The following FSTL5 variants were observed in gnomAD, a reference collection of about 807,000 sequenced individuals.
FSTL5 encodes follistatin-related protein 5.
FSTL5 carries 62 observed loss-of-function variants against 89.1 expected under a neutral mutation model. The observed-to-expected ratio is 0.70, with a 90% CI of 0.57 to 0.86. FSTL5 has a LOEUF of 0.86. FSTL5 is among the 40% of genes least tolerant of loss of function. The probability of loss-of-function intolerance (pLI) is 0.00; values close to 1 mark genes in which losing one functional copy is unlikely to be tolerated. For synonymous variants in FSTL5, 383 were observed against 346.2 expected (o/e 1.11, Z -1.18); for missense variants, 1,057 against 1,001.6 (o/e 1.06, Z -0.75).
At chr4:161,609,517 T>A (rs1734568917) in intron 7 of FSTL5, among the ~76,000 whole-genome samples, 2 of 152,162 alleles carry the variant, frequency 1.3e-5, no homozygotes, top group Non-Finnish European at 2.9e-5. Flanking sequence ...AGCAAAAATT[T>A]TATTTAGAGA....
intron 4 of FSTL5, among the ~76,000 whole-genome samples, chr4:161,881,685 T>C (rs1237677299): frequency 6.6e-6 from 1 of 152,100 alleles, no homozygotes; most frequent in Non-Finnish European, 1.5e-5. Context: ...GCACTTTTGT[T>C]TTGTTTTGCT....
At chr4:162,140,651 A>G (rs1370310315) in intron 1 of FSTL5, among the ~76,000 whole-genome samples, 1 of 152,174 alleles carries the variant, frequency 6.6e-6, no homozygotes, top group Non-Finnish European at 1.5e-5. Context: ...AGACTGATGT[A>G]TTGATAATAC....
At chr4:161,426,812 C>A (rs1055708045) in intron 15 of FSTL5, among the ~76,000 whole-genome samples, 9 of 152,078 alleles carry the variant, frequency 5.9e-5, no homozygotes, top group Non-Finnish European at 1.2e-4. Context: ...ATTTGTTTAC[C>A]TAATGGTCTC....
intron 8 of FSTL5, 113 bp downstream of exon 8, chr4:161,587,342 C>T: frequency 1.1e-6 from 1 of 928,172 alleles, no homozygotes; most frequent in Non-Finnish European, 1.6e-6. Context: ...AGTTGAGTCT[C>T]AAAACTTGAA....
chr4:161,472,899 ATT>A (rs1268945445), intron 13 of FSTL5, among the ~76,000 whole-genome samples: 1 of 151,662 alleles, frequency 6.6e-6, no homozygotes, highest in East Asian at 1.9e-4. Flanking sequence ...TAATTTTTGT[ATT>A]TTTAGTAGAG....
At chr4:162,110,684 ATAAG>A (rs1731401100) in intron 2 of FSTL5, among the ~76,000 whole-genome samples, 1 of 151,616 alleles carries the variant, frequency 6.6e-6, no homozygotes, top group South Asian at 2.1e-4. Flanking sequence ...TTAATTTATT[ATAAG>A]TATTTAATGT....
chr4:161,802,323 A>AAT (rs2126830535), intron 4 of FSTL5, among the ~76,000 whole-genome samples: 1 of 151,822 alleles, frequency 6.6e-6, no homozygotes, highest in South Asian at 2.1e-4. Context: ...ATATAAAGGT[A>AAT]ATATATATGG....
chr4:162,013,534 C>A (rs1481476092), intron 3 of FSTL5, among the ~76,000 whole-genome samples: 3 of 152,152 alleles, frequency 2.0e-5, no homozygotes, highest in Non-Finnish European at 4.4e-5. Flanking sequence ...AGCAGGAGTT[C>A]TCTGAGAGTA....
intron 1 of FSTL5, among the ~76,000 whole-genome samples, chr4:162,123,833 A>T (rs1177243523): frequency 3.3e-5 from 5 of 151,080 alleles, no homozygotes; most frequent in African/African-American, 9.7e-5. Context: ...CAGGTAAAAG[A>T]TTTTTTTTTA....
intron 6 of FSTL5, among the ~76,000 whole-genome samples, chr4:161,715,461 C>G (rs569719550): frequency 6.6e-6 from 1 of 152,246 alleles, no homozygotes; most frequent in African/African-American, 2.4e-5. Flanking sequence ...AGCCTATATC[C>G]TTTGCTGGGT....
At chr4:161,911,915 A>G (rs1733704679) in intron 4 of FSTL5, among the ~76,000 whole-genome samples, 1 of 152,162 alleles carries the variant, frequency 6.6e-6, no homozygotes, top group Non-Finnish European at 1.5e-5. Context: ...TATCTGGATG[A>G]TAAGGTACAA....
At chr4:161,405,602 AGAGAG>A (rs1731347825) in intron 15 of FSTL5, among the ~76,000 whole-genome samples, 2 of 152,170 alleles carry the variant, frequency 1.3e-5, no homozygotes, top group Non-Finnish European at 1.5e-5. Context: ...TTTTCCAAAA[AGAGAG>A]GAGAGATCAC....
chr4:162,084,146 G>A (rs1730212584), intron 2 of FSTL5, among the ~76,000 whole-genome samples: 3 of 151,850 alleles, frequency 2.0e-5, no homozygotes, highest in Admixed American at 1.3e-4. Flanking sequence ...AGAATGAACA[G>A]ATGCATCAGT....
chr4:161,395,740 A>C (rs545277947), intron 15 of FSTL5, among the ~76,000 whole-genome samples: 1 of 152,272 alleles, frequency 6.6e-6, no homozygotes, highest in Non-Finnish European at 1.5e-5. Context: ...TGAAGAATTT[A>C]TTTATTAAGA....
At position 162,111,293 on chromosome 4, in the gene FSTL5, G is replaced by A; in HGVS notation, c.104C>T (p.Pro35Leu). The change falls in exon 2 of 16, where the codon CCT becomes CTT. Residue 35 changes from proline to leucine, a missense_variant. Physicochemically the swap from Pro to Leu is moderately conservative, Grantham distance 98. This residue lies in a region of FSTL5 where 980 missense variants were observed against 903.2 expected (regional missense o/e 1.08). Transcript: ENST00000306100. ...EGGYGLKSYQ[P>L]LMRLRHKQEK... ...TACCTTATGTCGCAATCTCATTAGA[G>A]GCTGATAGGATTTAAGGCCATATCC... The A allele has an allele frequency of 6.2e-7, 1 of 1,611,160 alleles. No homozygotes were observed. Among genetic ancestry groups the A allele is most frequent in the Non-Finnish European group, 8.5e-7 (1 of 1,178,030 alleles).
At chr4:161,969,723 G>T (rs1466629070) in intron 3 of FSTL5, among the ~76,000 whole-genome samples, 1 of 152,012 alleles carries the variant, frequency 6.6e-6, no homozygotes, top group African/African-American at 2.4e-5. Flanking sequence ...GATGTATTGT[G>T]GTATGCTGCA....
chr4:161,864,561 G>A (rs1198088727), intron 4 of FSTL5, among the ~76,000 whole-genome samples: 1 of 152,096 alleles, frequency 6.6e-6, no homozygotes, highest in Non-Finnish European at 1.5e-5. Context: ...TGCAATATTA[G>A]ACTGAAATTA....
chr4:161,833,414 G>C (rs975265998), intron 4 of FSTL5, among the ~76,000 whole-genome samples: 7 of 138,240 alleles, frequency 5.1e-5, no homozygotes, highest in African/African-American at 1.8e-4. Context: ...GTGCAGAGCT[G>C]AGTTCAATTC....
intron 6 of FSTL5, among the ~76,000 whole-genome samples, chr4:161,707,503 A>G (rs1395183745): frequency 6.6e-6 from 1 of 151,928 alleles, no homozygotes; most frequent in Admixed American, 6.6e-5. Context: ...TTGTTACGGC[A>G]TAAAGACGGA....
Sources: allele counts gnomAD v4.1 joint callset (sites outside exome capture counted in the v4.1 genomes callset), GRCh38; gene constraint gnomAD v4.1.1; regional missense constraint gnomAD v4.1.1; transcripts MANE v1.5; gene names NCBI Gene and HGNC (gene_info 2026-07-23, HGNC 2026-07-21).